The following KIR2DL4 variants were observed in gnomAD, a reference collection of about 807,000 sequenced individuals.
KIR2DL4 encodes killer cell immunoglobulin-like receptor 2DL4.
A neutral mutation model predicts 31.0 loss-of-function variants in KIR2DL4; 41 were observed. The ratio of observed to expected loss-of-function variants is 1.32; its 90% CI spans 1.03 to 1.72. The LOEUF (loss-of-function observed/expected upper bound fraction) is 1.72, where lower values mean the gene tolerates loss of function less well. Ranked by LOEUF, KIR2DL4 falls within the 40% of genes most tolerant of loss-of-function variation. KIR2DL4 has a pLI of 0.00. For missense variants in KIR2DL4, 438 were observed against 353.7 expected, an observed-to-expected ratio of 1.24 and a Z score of -1.91; for synonymous variants, 164 against 133.6, an observed-to-expected ratio of 1.23 and a Z score of -1.57.
chr19:54,806,148 G>A (rs2060513062), exon 4 of KIR2DL4: 2 of 1,611,886 alleles, frequency 1.2e-6, no homozygotes, highest in African/African-American at 1.3e-5. Flanking sequence ...TCTGGGTCCT[G>A]CCACCCACGG....
intron 5 of KIR2DL4, chr19:54,813,103 T>A: frequency 7.0e-7 from 1 of 1,432,972 alleles, no homozygotes. Flanking sequence ...TAGCTTCTTA[T>A]TGGATTCCCA....
chr19:54,803,760 G>A, intron 1 of KIR2DL4, 69 bp downstream of exon 1: 2 of 1,582,780 alleles, frequency 1.3e-6, no homozygotes, highest in Non-Finnish European at 1.7e-6. Context: ...CTCCCCAGCA[G>A]AGAGCCATGT....
chr19:54,811,854 T>C (rs1471475878), intron 5 of KIR2DL4, among the ~76,000 whole-genome samples: 1 of 151,174 alleles, frequency 6.6e-6, no homozygotes, highest in African/African-American at 2.4e-5. Flanking sequence ...GGGGGTGGTC[T>C]TTCCCCCAGA....
chr19:54,810,043 G>T (rs2147946053), intron 5 of KIR2DL4, among the ~76,000 whole-genome samples: 1 of 149,826 alleles, frequency 6.7e-6, no homozygotes, highest in East Asian at 1.9e-4. Context: ...TTAAATGGGA[G>T]GGCAGAAAAT....
chr19:54,813,112 C>T, intron 5 of KIR2DL4: 1 of 1,432,812 alleles, frequency 7.0e-7, no homozygotes, highest in Non-Finnish European at 9.6e-7. Context: ...ATTGGATTCC[C>T]ATCTTCCTCC....
At chr19:54,806,073 G>A (rs540514355) in exon 4 of KIR2DL4, 3 of 1,611,618 alleles carry the variant, frequency 1.9e-6, no homozygotes, top group East Asian at 4.5e-5. Context: ...CAGGGAGGGG[G>A]AAGCCCATGA....
chr19:54,809,243 A>G (rs1407927398), intron 5 of KIR2DL4, among the ~76,000 whole-genome samples: 3 of 150,274 alleles, frequency 2.0e-5, no homozygotes, highest in Non-Finnish European at 4.4e-5. Flanking sequence ...GTGTATTTGT[A>G]GAGAAGTTCT....
At chr19:54,804,463 G>C (rs2060373114) in intron 2 of KIR2DL4, among the ~76,000 whole-genome samples, 2 of 151,158 alleles carry the variant, frequency 1.3e-5, no homozygotes, top group South Asian at 4.2e-4. Flanking sequence ...ATGGAGCTCA[G>C]TTGTTTATTG....
At chr19:54,806,012 C>T (rs777887229) in exon 4 of KIR2DL4, 55 of 1,610,968 alleles carry the variant, frequency 3.4e-5, no homozygotes, top group Non-Finnish European at 4.4e-5. Flanking sequence ...CAGGAGAGAA[C>T]GTGACCTTGT....
At chr19:54,805,999 G>C (rs537400112) in exon 4 of KIR2DL4, 10 of 1,610,168 alleles carry the variant, frequency 6.2e-6, no homozygotes, top group Middle Eastern at 1.6e-4. Flanking sequence ...CCCACGGTTC[G>C]CGCAGGAGAG....
At chr19:54,813,103 T>C (rs1456432101) in intron 5 of KIR2DL4, 24 of 1,432,884 alleles carry the variant, frequency 1.7e-5, no homozygotes, top group Non-Finnish European at 2.2e-5. Context: ...TAGCTTCTTA[T>C]TGGATTCCCA....
intron 3 of KIR2DL4, among the ~76,000 whole-genome samples, 161 bp downstream of exon 3, chr19:54,805,238 T>C (rs2060441119): frequency 6.6e-6 from 1 of 151,214 alleles, no homozygotes; most frequent in African/African-American, 2.4e-5. Flanking sequence ...AAAGAATAAC[T>C]GTCCCCATCG....
At chr19:54,806,094 C>T (rs1380988644) in exon 4 of KIR2DL4, 5 of 1,612,018 alleles carry the variant, frequency 3.1e-6, no homozygotes, top group East Asian at 2.2e-5. Context: ...ACTTAGGCTC[C>T]CTGCAGTGCC....
intron 3 of KIR2DL4, 118 bp from the exon 4 acceptor site, chr19:54,805,833 T>TGACAGA: frequency 1.2e-6 from 1 of 831,068 alleles, no homozygotes. Flanking sequence ...GGGTGGAGGG[T>TGACAGA]GAGAGAGAGA....
At chr19:54,808,550 G>A (rs1243556229) in intron 4 of KIR2DL4, among the ~76,000 whole-genome samples, 1 of 149,422 alleles carries the variant, frequency 6.7e-6, no homozygotes, top group Non-Finnish European at 1.5e-5. Flanking sequence ...CTGCTCCATT[G>A]TTTTATGTGC....
At position 54,813,229 on chromosome 19, in the gene KIR2DL4, G is replaced by T; in HGVS notation, c.810+1G>T. On this transcript the variant is annotated splice_donor_variant, in intron 6 of 7. Coordinates refer to ENST00000359085, the Ensembl canonical transcript of KIR2DL4. LOFTEE classifies it high-confidence loss of function. Reference sequence around the variant, plus strand: ...TCATCGCTGGTGCTCCAAAAAAAAAGTAAGCCTCACGAAGCAGAGGCCAGA... The same window carrying T: ...TCATCGCTGGTGCTCCAAAAAAAAATTAAGCCTCACGAAGCAGAGGCCAGA... 1 of 1,419,748 alleles carries T rather than the reference G, an allele frequency of 7.0e-7. No homozygotes were observed. The allele number at this position is 1,419,748 out of a possible 1,614,324, so 87.9% of individuals were successfully genotyped here. A position where few individuals can be genotyped will look rare whatever the true frequency, so the allele number is the denominator to read the frequency against.
intron 4 of KIR2DL4, 84 bp downstream of exon 4, chr19:54,806,328 T>C (rs2060527672): frequency 2.2e-6 from 3 of 1,373,844 alleles, no homozygotes; most frequent in Non-Finnish European, 3.0e-6. Flanking sequence ...GAGAGAAGCA[T>C]GGACAGATGT....
At chr19:54,809,888 C>CT (rs1175432997) in intron 5 of KIR2DL4, among the ~76,000 whole-genome samples, 13 of 150,638 alleles carry the variant, frequency 8.6e-5, no homozygotes, top group South Asian at 2.1e-4. Context: ...ATCTGCATTC[C>CT]TTTTTTCCAT....
intron 5 of KIR2DL4, among the ~76,000 whole-genome samples, chr19:54,812,513 A>C (rs2060922647): frequency 1.3e-5 from 2 of 150,860 alleles, no homozygotes; most frequent in East Asian, 3.9e-4. Context: ...TTTTGTTGCT[A>C]TAAAAGAACA....
Sources: allele counts gnomAD v4.1 joint callset (sites outside exome capture counted in the v4.1 genomes callset), GRCh38; gene constraint gnomAD v4.1.1; transcripts MANE v1.5; gene names NCBI Gene and HGNC (gene_info 2026-07-23, HGNC 2026-07-21).